The following HK2 variants were observed in gnomAD, a reference collection of about 807,000 sequenced individuals.
The protein encoded by HK2 is hexokinase-2.
A neutral mutation model predicts 92.9 loss-of-function variants in HK2; 42 were observed. That is an observed-to-expected ratio of 0.45 (90% CI 0.35 to 0.58). HK2 has a LOEUF of 0.58. Ranked by LOEUF, HK2 falls within the 20% of genes least tolerant of loss-of-function variation. The pLI, the probability that HK2 is intolerant of heterozygous loss-of-function variation, is 0.00. For missense variants in HK2, 978 were observed against 1,245.1 expected, an observed-to-expected ratio of 0.79 and a Z score of 3.23; for synonymous variants, 422 against 468.0, an observed-to-expected ratio of 0.90 and a Z score of 1.27.
At chr2:74,848,707 A>G (rs1573358907) in intron 1 of HK2, among the ~76,000 whole-genome samples, 1 of 152,176 alleles carries the variant, frequency 6.6e-6, no homozygotes, top group Non-Finnish European at 1.5e-5. Flanking sequence ...TCATATAAAA[A>G]CTGTCAAAAT....
rs181541956 is a variant in HK2 at position 74,882,146 on chromosome 2, C to T, written c.1746C>T (p.Ile582=). ...DELFDHIVQC[I]ADFLEYMGMK... The stretch of plus-strand genomic sequence containing the variant: ...TCTTTGACCACATTGTCCAGTGCAT[C>T]GCGGACTTCCTCGAGTACATGGGCA... Residue 582 remains isoleucine (I), a synonymous_variant, in exon 12 of 18, where the codon ATC becomes ATT. Transcript: ENST00000290573. 21 of 1,614,214 alleles carry T rather than the reference C, an allele frequency of 1.3e-5. No individual in the cohort carries two copies. Among genetic ancestry groups the T allele is most frequent in the Non-Finnish European group, 1.4e-5 (17 of 1,180,028 alleles).
At chr2:74,842,989 A>AT (rs1688351787) in intron 1 of HK2, among the ~76,000 whole-genome samples, 3 of 152,014 alleles carry the variant, frequency 2.0e-5, no homozygotes, top group Admixed American at 2.0e-4. Context: ...CTTACTTGGG[A>AT]TTTCATATTC....
At position 74,834,894 on chromosome 2, in the gene HK2, G is replaced by C. The variant is rs2103809849; in HGVS notation, c.63+251G>C. On this transcript the variant is annotated intron_variant, in intron 1 of 17. Coordinates refer to ENST00000290573, the MANE Select transcript of HK2 (RefSeq NM_000189.5). The surrounding 1 kb of genome is among the most constrained non-coding windows in gnomAD (Gnocchi z 4.2). ...CCTCCCTCCCTGAGCTCCGGCACGCGCTCACGCTCTCTCCCCCAGTCCCTT... is the reference window on the plus strand; with the variant it reads ...CCTCCCTCCCTGAGCTCCGGCACGCCCTCACGCTCTCTCCCCCAGTCCCTT... 6.6e-6 allele frequency among the ~76,000 whole-genome samples: 1 copy of C among 152,268 alleles called. No homozygotes were observed. The highest frequency in any genetic ancestry group is 6.5e-5 in the Admixed American group (1 of 15,304).
At position 74,873,850 on chromosome 2, in the gene HK2, G is replaced by A; in HGVS notation, c.598G>A (p.Asp200Asn). The change falls in exon 6 of 18, where the codon GAT becomes AAT. Residue 200 changes from aspartate to asparagine, a missense_variant. Physicochemically the swap from Asp to Asn is conservative, Grantham distance 23. This residue lies in a region of HK2 where 189 missense variants were observed against 289.5 expected (regional missense o/e 0.65). Transcript: ENST00000290573. ...RKAIQRRGDF[D>N]IDIVAVVNDT... ...CTCCCATTTGTCTCCACAGGACTTTGATATCGACATTGTGGCTGTGGTGAA... is the reference window on the plus strand; with the variant it reads ...CTCCCATTTGTCTCCACAGGACTTTAATATCGACATTGTGGCTGTGGTGAA... 1.2e-6 allele frequency: 2 copies of A among 1,613,542 alleles called. No homozygotes were observed. Among genetic ancestry groups the A allele is most frequent in the Non-Finnish European group, 1.7e-6 (2 of 1,179,526 alleles).
intron 4 of HK2, 136 bp from the exon 5 acceptor site, chr2:74,873,140 C>T: frequency 1.3e-6 from 1 of 762,620 alleles, no homozygotes; most frequent in Non-Finnish European, 2.4e-6. Flanking sequence ...CTAGGCTAGC[C>T]AGGAAGTAAC....
At chr2:74,860,612 A>G (rs185507764) in intron 2 of HK2, among the ~76,000 whole-genome samples, 169 of 152,196 alleles carry the variant, frequency 1.1e-3, no homozygotes, top group African/African-American at 3.9e-3. Flanking sequence ...TGCTGATTCC[A>G]TGGTATGATT....
chr2:74,874,028 G>A (rs747701422), intron 6 of HK2, 85 bp downstream of exon 6: 32 of 1,106,978 alleles, frequency 2.9e-5, no homozygotes, highest in Middle Eastern at 3.9e-4. Context: ...CCATGGGCTG[G>A]GTGTTCCTTT....
At chr2:74,851,803 G>A (rs1488993267) in intron 1 of HK2, among the ~76,000 whole-genome samples, 1 of 152,204 alleles carries the variant, frequency 6.6e-6, no homozygotes, top group Non-Finnish European at 1.5e-5. Flanking sequence ...GACCTGCTCA[G>A]TCACCTCTGT....
intron 9 of HK2, 60 bp downstream of exon 9, chr2:74,878,981 C>A: frequency 7.5e-7 from 1 of 1,341,090 alleles, no homozygotes; most frequent in Non-Finnish European, 1.0e-6. Flanking sequence ...GGCTGAGTGA[C>A]TCCTCATGCC....
chr2:74,872,721 GA>G (rs1689126893), intron 4 of HK2, among the ~76,000 whole-genome samples: 1 of 152,162 alleles, frequency 6.6e-6, no homozygotes, highest in Non-Finnish European at 1.5e-5. Flanking sequence ...AAGACCCTTG[GA>G]AGAAAGATAC....
chr2:74,861,210 T>C (rs1195192619), intron 2 of HK2, among the ~76,000 whole-genome samples: 1 of 152,122 alleles, frequency 6.6e-6, no homozygotes, highest in Admixed American at 6.5e-5. Context: ...GGTGGATCAC[T>C]TGAGGTCAGG....
At chr2:74,838,216 G>A (rs1004953335) in intron 1 of HK2, among the ~76,000 whole-genome samples, 2 of 152,166 alleles carry the variant, frequency 1.3e-5, no homozygotes, top group African/African-American at 2.4e-5. Context: ...TAGGTTTGTC[G>A]CTGCAGTTCC....
chr2:74,851,146 G>T (rs954188381), intron 1 of HK2, among the ~76,000 whole-genome samples: 6 of 152,246 alleles, frequency 3.9e-5, no homozygotes, highest in African/African-American at 1.4e-4. Context: ...ACAGGCGAGG[G>T]TGGCTGTCCT....
intron 5 of HK2, 93 bp from the exon 6 acceptor site, chr2:74,873,751 G>A: frequency 5.1e-6 from 4 of 790,938 alleles, no homozygotes; most frequent in Non-Finnish European, 8.9e-6. Flanking sequence ...GAGAGAAGGA[G>A]GAGGAGGAGG....
chr2:74,854,044 AAT>A (rs1027451567), intron 1 of HK2, among the ~76,000 whole-genome samples: 5 of 152,192 alleles, frequency 3.3e-5, no homozygotes, highest in Admixed American at 2.6e-4. Flanking sequence ...CCTCTGTCCT[AAT>A]AGGCCTTTCC....
intron 2 of HK2, among the ~76,000 whole-genome samples, chr2:74,854,689 G>C (rs1010606166): frequency 6.6e-6 from 1 of 152,196 alleles, no homozygotes; most frequent in African/African-American, 2.4e-5. Context: ...CATCACTGTT[G>C]GCCATTTGTT....
chr2:74,873,731 G>C (rs1689155141), intron 5 of HK2, 113 bp from the exon 6 acceptor site: 23 of 726,660 alleles, frequency 3.2e-5, no homozygotes, highest in South Asian at 2.9e-4. Context: ...GGGGAGGGAG[G>C]GGGGAGAGAG....
At chr2:74,884,031 C>CAG (rs1689464695) in intron 12 of HK2, among the ~76,000 whole-genome samples, 1 of 152,128 alleles carries the variant, frequency 6.6e-6, no homozygotes, top group Non-Finnish European at 1.5e-5. Context: ...CATAACCCTC[C>CAG]AGTGTATATC....
chr2:74,858,459 C>G (rs575880516), intron 2 of HK2, among the ~76,000 whole-genome samples: 1 of 152,174 alleles, frequency 6.6e-6, no homozygotes, highest in African/African-American at 2.4e-5. Context: ...TCTATTTCCT[C>G]ATTTGTGAAA....
Sources: gnomAD v4.1 joint callset for allele counts (sites outside exome capture counted in the v4.1 genomes callset) on GRCh38, gnomAD v4.1.1 for gene constraint, gnomAD v4.1.1 regional missense constraint, Gnocchi (gnomAD v3.1) non-coding constraint, MANE v1.5 for transcripts, NCBI Gene and HGNC (gene_info 2026-07-23, HGNC 2026-07-21) for gene names.